Variants in PHF21A observed in about 807,000 individuals in gnomAD.
The protein encoded by PHF21A is PHD finger protein 21A.
In PHF21A, 11 loss-of-function variants were observed where a neutral mutation model predicts 82.5. The ratio of observed to expected loss-of-function variants is 0.13; its 90% CI spans 0.08 to 0.22. The LOEUF is 0.22. PHF21A is among the 10% of genes least tolerant of loss of function. The pLI is 1.00. For missense variants in PHF21A, 579 were observed against 837.8 expected, an observed-to-expected ratio of 0.69 and a Z score of 3.81; for synonymous variants, 297 against 302.8, an observed-to-expected ratio of 0.98 and a Z score of 0.20.
At chr11:46,021,960 C>T (rs1208998211) in intron 6 of PHF21A, among the ~76,000 whole-genome samples, 2 of 151,912 alleles carry the variant, frequency 1.3e-5, no homozygotes, top group African/African-American at 4.8e-5. Flanking sequence ...AGGCATTGCA[C>T]TAGTAGGAAA....
intron 6 of PHF21A, among the ~76,000 whole-genome samples, chr11:46,015,780 C>G (rs2095504416): frequency 6.6e-6 from 1 of 152,154 alleles, no homozygotes; most frequent in South Asian, 2.1e-4. Flanking sequence ...CCTTATCCCA[C>G]TGGAAGGTCT....
Position 45,929,660 on chromosome 11 carries a change from G to C in PHF21A, c.*4308C>G, listed in dbSNP as rs1406645560. The stretch of plus-strand genomic sequence containing the variant: ...AAAGGCTGCTGGGGAAGGGGTAGGG[G>C]GGTGGGGTCCTCAGGGAGGAAGGGC... On this transcript the variant is annotated 3_prime_UTR_variant, in exon 19 of 19. Coordinates refer to ENST00000676320, the MANE Select transcript of PHF21A (RefSeq NM_001352027.3). 1 of 152,458 alleles carries C rather than the reference G, an allele frequency of 6.6e-6. No individual in the cohort carries two copies. The highest frequency in any genetic ancestry group is 1.5e-5 in the Non-Finnish European group (1 of 68,268). 9.4% of individuals were successfully genotyped at this position (152,458 alleles called of 1,614,324 possible).
intron 6 of PHF21A, among the ~76,000 whole-genome samples, chr11:45,999,228 CACAA>C (rs1447936421): frequency 2.0e-5 from 3 of 152,112 alleles, no homozygotes; most frequent in Non-Finnish European, 4.4e-5. Flanking sequence ...AAAACAGGAC[CACAA>C]ACAGAGGTCA....
chr11:45,968,974 C>T, intron 9 of PHF21A, among the ~76,000 whole-genome samples: 1 of 151,446 alleles, frequency 6.6e-6, no homozygotes, highest in Admixed American at 6.6e-5. Context: ...GGTATCCCTC[C>T]CATGTGCTCT....
chr11:45,945,910 T>G lies in PHF21A; in HGVS notation c.1382A>C (p.Lys461Thr). 1 of 1,612,736 alleles carries G rather than the reference T, an allele frequency of 6.2e-7. No individual in the cohort carries two copies. Among genetic ancestry groups the G allele is most frequent in the Non-Finnish European group, 8.5e-7 (1 of 1,179,438 alleles). The stretch of plus-strand genomic sequence containing the variant: ...AGGGAAAGTGAATGTGGTCTCTGTC[T>G]TTTCATTTTCAGGGGAGTCAGGATG... ...SSHPDSPENE[K>T]TETTFTFPAP... The change falls in exon 15 of 19, where the codon AAG (lysine) becomes ACG (threonine). Residue 461 changes from lysine (K) to threonine (T), a missense_variant. Physicochemically the swap from Lys to Thr is moderately conservative, Grantham distance 78. Coordinates refer to ENST00000676320, the MANE Select transcript of PHF21A (RefSeq NM_001352027.3).
chr11:46,065,065 T>C (rs1440835495), intron 6 of PHF21A, among the ~76,000 whole-genome samples: 3 of 152,242 alleles, frequency 2.0e-5, no homozygotes, highest in Non-Finnish European at 4.4e-5. Context: ...GAAAGTGTTA[T>C]AGAGACAGAC....
chr11:46,015,866 C>A (rs988310788), intron 6 of PHF21A, among the ~76,000 whole-genome samples: 1 of 151,632 alleles, frequency 6.6e-6, no homozygotes, highest in Admixed American at 6.6e-5. Context: ...TCCTGAAGGA[C>A]CTGCCCGAGG....
intron 6 of PHF21A, among the ~76,000 whole-genome samples, chr11:46,052,274 G>C (rs746855865): frequency 2.0e-5 from 3 of 152,204 alleles, no homozygotes; most frequent in African/African-American, 4.8e-5. Flanking sequence ...TGCCAGTACA[G>C]GACAGCCTGT....
intron 4 of PHF21A, among the ~76,000 whole-genome samples, chr11:46,080,698 T>C (rs1022781147): frequency 5.9e-5 from 9 of 152,138 alleles, no homozygotes; most frequent in Non-Finnish European, 1.2e-4. Flanking sequence ...GATGGGGTCT[T>C]GTTCTGTCAC....
chr11:46,005,523 T>C (rs917564633), intron 6 of PHF21A, among the ~76,000 whole-genome samples: 13 of 152,190 alleles, frequency 8.5e-5, no homozygotes, highest in Non-Finnish European at 1.8e-4. Context: ...TGTTCAGACC[T>C]TCCTGTTCTG....
rs887214716 is a variant in PHF21A at position 46,116,993 on chromosome 11, A to C, written c.-237+3942T>G. On this transcript the variant is annotated intron_variant, in intron 1 of 18. Coordinates refer to ENST00000676320, the MANE Select transcript of PHF21A (RefSeq NM_001352027.3). ...AAAAATAAAAAAATAAAAAAACTAT[A>C]GTGTCCAGGGTGCACTTTAAATGTA... is the stretch of plus-strand genomic sequence containing the variant. 6.6e-5 allele frequency: 10 copies of C among 152,204 alleles called. No individual in the cohort carries two copies. In the East Asian group the frequency reaches 1.9e-3, roughly 29 times the overall value. 9.4% of individuals were successfully genotyped at this position (152,204 alleles called of 1,614,324 possible).
At chr11:45,947,437 C>G (rs1024062864) in intron 14 of PHF21A, among the ~76,000 whole-genome samples, 7 of 152,146 alleles carry the variant, frequency 4.6e-5, no homozygotes, top group African/African-American at 1.7e-4. Context: ...ATGATTCTGT[C>G]AGATGTTACA....
rs1251052576 is a variant in PHF21A, at chr11:45,932,292, T to TA, written c.*1675dup. The TA allele has an allele frequency of 2.6e-5, 4 of 152,392 alleles. No individual in the cohort carries two copies. In the East Asian group the frequency reaches 7.7e-4, roughly 29 times the overall value. 9.4% of individuals were successfully genotyped at this position (152,392 alleles called of 1,614,324 possible). ...AAAGCAGCACCAAAGGAAGGGATCT[T>TA]ATTTAGGCACCAGCCTTTTGCTCTA... On this transcript the variant is annotated 3_prime_UTR_variant, in exon 19 of 19. Coordinates refer to ENST00000676320, the MANE Select transcript of PHF21A (RefSeq NM_001352027.3). The surrounding 1 kb of genome is among the most constrained non-coding windows in gnomAD (Gnocchi z 4.3).
At chr11:45,961,782 C>A (rs571723492) in intron 10 of PHF21A, among the ~76,000 whole-genome samples, 4 of 152,118 alleles carry the variant, frequency 2.6e-5, no homozygotes, top group African/African-American at 9.7e-5. Flanking sequence ...CATTTTAGAG[C>A]GCTGGAGAGG....
chr11:45,949,775 G>C (rs1321739491), intron 12 of PHF21A, among the ~76,000 whole-genome samples: 1 of 152,208 alleles, frequency 6.6e-6, no homozygotes, highest in African/African-American at 2.4e-5. Flanking sequence ...TATAGGTCTG[G>C]ATGAGCTTTA....
At chr11:45,935,242 G>A in intron 18 of PHF21A, 3 of 1,298,088 alleles carry the variant, frequency 2.3e-6, no homozygotes, top group Non-Finnish European at 3.0e-6. Context: ...CACTCGCTCA[G>A]GTGACTAGGA....
At chr11:46,094,874 T>C (rs943419950) in intron 1 of PHF21A, among the ~76,000 whole-genome samples, 3 of 152,166 alleles carry the variant, frequency 2.0e-5, no homozygotes, top group Non-Finnish European at 4.4e-5. Context: ...CACTCCAGCC[T>C]GGCGACAGAG....
chr11:46,103,864 G>A (rs2097125628), intron 1 of PHF21A, among the ~76,000 whole-genome samples: 1 of 152,008 alleles, frequency 6.6e-6, no homozygotes. Context: ...TCATTTACTG[G>A]TTTCACTTAT....
intron 4 of PHF21A, among the ~76,000 whole-genome samples, chr11:46,082,187 T>C (rs2096800085): frequency 6.6e-6 from 1 of 152,184 alleles, no homozygotes; most frequent in African/African-American, 2.4e-5. Flanking sequence ...AGAACAAAAA[T>C]ATGTTTTCAC....
Sources: gnomAD v4.1 joint callset for allele counts (sites outside exome capture counted in the v4.1 genomes callset) on GRCh38, gnomAD v4.1.1 for gene constraint, Gnocchi (gnomAD v3.1) non-coding constraint, MANE v1.5 for transcripts, NCBI Gene and HGNC (gene_info 2026-07-23, HGNC 2026-07-21) for gene names.